The following PTPRN2 variants were observed in gnomAD, a reference collection of about 807,000 sequenced individuals.
The protein encoded by PTPRN2 is protein tyrosine phosphatase receptor type N2.
Under a neutral mutation model 118.8 loss-of-function variants are expected in PTPRN2, and 74 were observed. That is an observed-to-expected ratio of 0.62 (90% CI 0.52 to 0.76). PTPRN2 has a LOEUF of 0.76. PTPRN2 is among the 30% of genes least tolerant of loss of function. PTPRN2 has a pLI of 0.00. For missense variants in PTPRN2, 1,481 were observed against 1,394.4 expected (o/e 1.06, Z -0.99); for synonymous variants, 641 against 608.0 (o/e 1.05, Z -0.80).
chr7:158,173,790 A>C lies in PTPRN2; in HGVS notation c.550-6499T>G, dbSNP rs182349306. Among the ~76,000 whole-genome samples the C allele has an allele frequency of 2.5e-4, 38 of 152,322 alleles. No individual in the cohort carries two copies. In the East Asian group the frequency reaches 7.1e-3, roughly 29 times the overall value. On this transcript the variant is annotated intron_variant, in intron 5 of 22. Transcript: ENST00000389418. ...CCCAGGATTATTCCTTGCTGGGAAA[A>C]GAATTCAGCAATATTTCTCCTACTT... is the stretch of plus-strand genomic sequence containing the variant.
intron 1 of PTPRN2, among the ~76,000 whole-genome samples, chr7:158,500,819 G>A (rs1318262604): frequency 2.0e-5 from 3 of 152,266 alleles, no homozygotes; most frequent in Non-Finnish European, 4.4e-5. Flanking sequence ...CAAAGCTGCG[G>A]GGCCCAGTCC....
intron 3 of PTPRN2, among the ~76,000 whole-genome samples, chr7:158,275,332 C>G (rs1163735427): frequency 6.6e-6 from 1 of 152,190 alleles, no homozygotes; most frequent in Admixed American, 6.5e-5. Flanking sequence ...CACCTCCTCA[C>G]GCCTCTCCAG....
At position 158,192,479 on chromosome 7, in the gene PTPRN2, C is replaced by T. The variant is rs140977880; in HGVS notation, c.397G>A (p.Val133Ile). Residue 133 changes from valine to isoleucine, a missense_variant, in exon 5 of 23, where the codon GTT becomes ATT. By Grantham distance (29) the Val-to-Ile change is conservative (BLOSUM62 3). Coordinates refer to ENST00000389418, the MANE Select transcript of PTPRN2 (RefSeq NM_002847.5). ...SSPARPSKHS[V>I]GSERRYSREG... The stretch of plus-strand genomic sequence containing the variant: ...CGACTGTACCTCCTCTCGCTGCCAA[C>T]GCTGTGTTTTGAGGGCCTGAAAAAG... 4.3e-4 allele frequency: 683 copies of T among 1,584,150 alleles called. 2 individuals carry two copies. The African/African-American group carries it at 7.9e-3, about 18-fold the overall frequency.
In PTPRN2 at chr7:157,927,185, CGCGTCTTCTGGGACCCCAAAG is replaced by C; in HGVS notation, c.1724-28469_1724-28449del. On this transcript the variant is annotated intron_variant, in intron 11 of 22. Coordinates refer to ENST00000389418, the MANE Select transcript of PTPRN2 (RefSeq NM_002847.5). Reference sequence around the variant, plus strand: ...GGGACCCGTCTGAGAGCAGAGGCCTCGCGTCTTCTGGGACCCCAAAGACAGGAAGCCCCAGGGACCCGTCTG... The same window carrying C: ...GGGACCCGTCTGAGAGCAGAGGCCTCACAGGAAGCCCCAGGGACCCGTCTG... Among the ~76,000 whole-genome samples the C allele has an allele frequency of 1.8e-5, 2 of 111,566 alleles. 1 individual carries two copies. The highest frequency in any genetic ancestry group is 3.6e-5 in the Non-Finnish European group (2 of 55,702). The allele number at this position is 111,566 out of a possible 152,430, so 73.2% of individuals were successfully genotyped here.
intron 2 of PTPRN2, among the ~76,000 whole-genome samples, chr7:158,464,761 TTCA>T (rs1819268927): frequency 6.6e-6 from 1 of 151,394 alleles, no homozygotes; most frequent in Non-Finnish European, 1.5e-5. Context: ...TAAATAATCC[TTCA>T]TCATCACCAT....
chr7:157,620,102 C>G (rs1803059123), intron 15 of PTPRN2, among the ~76,000 whole-genome samples: 1 of 152,216 alleles, frequency 6.6e-6, no homozygotes, highest in African/African-American at 2.4e-5. Flanking sequence ...TCTACCCACA[C>G]TGTCATTTAT....
intron 6 of PTPRN2, among the ~76,000 whole-genome samples, chr7:158,155,439 C>T (rs2150548652): frequency 6.6e-6 from 1 of 151,714 alleles, no homozygotes; most frequent in South Asian, 2.1e-4. Flanking sequence ...AGTAGCACCA[C>T]CATCACCAAC....
chr7:158,327,235 A>G (rs1253579589), intron 2 of PTPRN2, among the ~76,000 whole-genome samples: 1 of 151,340 alleles, frequency 6.6e-6, no homozygotes, highest in Non-Finnish European at 1.5e-5. Context: ...ACATTCTCAT[A>G]TCCACATACA....
At chr7:158,155,096 T>C (rs1821582525) in intron 6 of PTPRN2, among the ~76,000 whole-genome samples, 1 of 152,216 alleles carries the variant, frequency 6.6e-6, no homozygotes, top group Non-Finnish European at 1.5e-5. Context: ...TAAGTAGCTT[T>C]CAGTGCTCCA....
At chr7:158,341,287 G>C (rs569143751) in intron 2 of PTPRN2, among the ~76,000 whole-genome samples, 10 of 150,764 alleles carry the variant, frequency 6.6e-5, no homozygotes, top group African/African-American at 2.4e-4. Flanking sequence ...CTCACCATAA[G>C]AGCCGACGCC....
At chr7:158,320,191 ACACACACAGCCTCCCT>A (rs1349318448) in intron 2 of PTPRN2, among the ~76,000 whole-genome samples, 4 of 133,448 alleles carry the variant, frequency 3.0e-5, no homozygotes, top group African/African-American at 9.1e-5. Flanking sequence ...CCTCCCTCGT[ACACACACAGCCTCCCT>A]CACACACACA....
intron 2 of PTPRN2, among the ~76,000 whole-genome samples, chr7:158,419,715 A>G (rs1586631316): frequency 6.6e-6 from 1 of 152,212 alleles, no homozygotes. Context: ...CGGTGTGGCC[A>G]GCATTCACCA....
In PTPRN2 at chr7:157,831,794, G is replaced by A. The variant is rs1807586021; in HGVS notation, c.1788+66879C>T. Among the ~76,000 whole-genome samples, 1 of 152,222 alleles carries A rather than the reference G, an allele frequency of 6.6e-6. No homozygotes were observed. Among genetic ancestry groups the A allele is most frequent in the African/African-American group, 2.4e-5 (1 of 41,456 alleles). Reference sequence around the variant, plus strand: ...ACAGCCCAGTCCTATGACAAGCCTGGCCACGTTAGACCCTCACGAGACGTC... The same window carrying A: ...ACAGCCCAGTCCTATGACAAGCCTGACCACGTTAGACCCTCACGAGACGTC... On this transcript the variant is annotated intron_variant, in intron 12 of 22. Transcript: ENST00000389418. This position sits in a 1 kb window ranked among gnomAD's most constrained non-coding sequence, Gnocchi z 4.8.
At chr7:157,691,977 G>A (rs1380700856) in intron 12 of PTPRN2, among the ~76,000 whole-genome samples, 3 of 152,178 alleles carry the variant, frequency 2.0e-5, no homozygotes, top group Non-Finnish European at 4.4e-5. Context: ...GAGCCGGAGA[G>A]CTGAAACCCA....
intron 2 of PTPRN2, among the ~76,000 whole-genome samples, chr7:158,332,144 G>T (rs1449300998): frequency 2.0e-5 from 3 of 149,616 alleles, no homozygotes; most frequent in African/African-American, 7.6e-5. Context: ...CACCATAAGA[G>T]CCGACACCTG....
intron 4 of PTPRN2, among the ~76,000 whole-genome samples, chr7:158,193,189 T>C (rs768982415): frequency 3.0e-4 from 45 of 152,194 alleles, no homozygotes; most frequent in Non-Finnish European, 5.3e-4. Flanking sequence ...GTGCCCACCC[T>C]GCTGAGGGCG....
intron 10 of PTPRN2, among the ~76,000 whole-genome samples, chr7:158,098,420 C>T (rs778612895): frequency 2.6e-5 from 4 of 152,164 alleles, no homozygotes; most frequent in Admixed American, 6.5e-5. Context: ...TGTCCTAAGG[C>T]GGGAGATGCC....
In PTPRN2 at chr7:158,319,706, T is replaced by C. The variant is rs59049363; in HGVS notation, c.164-2774A>G. 7.4e-3 allele frequency among the ~76,000 whole-genome samples: 10 copies of C among 1,350 alleles called. 1 individual carries two copies. The highest frequency in any genetic ancestry group is 0.014 in the African/African-American group (5 of 346). The allele number at this position is 1,350 out of a possible 152,430, so 0.9% of individuals were successfully genotyped here. A position where few individuals can be genotyped will look rare whatever the true frequency, so the allele number is the denominator to read the frequency against. ...AGCCTCTCTCACACAGCCTCCCTCA[T>C]ACACACAGCCTCCCTCACACACACT... is the stretch of plus-strand genomic sequence containing the variant. On this transcript the variant is annotated intron_variant, in intron 2 of 22. Transcript: ENST00000389418.
chr7:158,456,798 G>A (rs546122232), intron 2 of PTPRN2, among the ~76,000 whole-genome samples: 27 of 152,246 alleles, frequency 1.8e-4, no homozygotes, highest in Non-Finnish European at 2.8e-4. Flanking sequence ...TAGGGGAGAC[G>A]GGGTCTTACT....
Sources: gnomAD v4.1 joint callset for allele counts (sites outside exome capture counted in the v4.1 genomes callset) on GRCh38, gnomAD v4.1.1 for gene constraint, Gnocchi (gnomAD v3.1) non-coding constraint, MANE v1.5 for transcripts, NCBI Gene and HGNC (gene_info 2026-07-23, HGNC 2026-07-21) for gene names.